NCL: variants seen among roughly 807,000 people sequenced by gnomAD.
NCL encodes the protein nucleolin multifunctional protein.
Under a neutral mutation model 77.7 loss-of-function variants are expected in NCL, and 4 were observed. The observed-to-expected ratio is 0.05, with a 90% CI of 0.03 to 0.12. The LOEUF is 0.12. Among genes scored for constraint, NCL ranks in the 10% least tolerant of loss-of-function variants. The probability of loss-of-function intolerance (pLI) is 1.00; values close to 1 mark genes in which losing one functional copy is unlikely to be tolerated. For missense variants in NCL, 763 were observed against 860.9 expected (o/e 0.89, Z 1.42); for synonymous variants, 344 against 297.8 (o/e 1.16, Z -1.60).
chr2:231,458,258 G>C lies in NCL; in HGVS notation c.1289+8C>G. On this transcript the variant is annotated splice_region_variant and intron_variant, in intron 8 of 13. Transcript: ENST00000322723. ...TAAAACCCTTACATTTCAATAGACA[G>C]AACATACCCTTTACTTTTCCCATCC... 1.2e-6 allele frequency: 2 copies of C among 1,612,412 alleles called. No individual in the cohort carries two copies. The highest frequency in any genetic ancestry group is 1.7e-6 in the Non-Finnish European group (2 of 1,179,498).
Position 231,460,678 on chromosome 2 carries a change from C to T in NCL, c.802G>A (p.Glu268Lys), listed in dbSNP as rs757072415. ...AATCTAATTTAAGTACCTTCCTCCTCCTCTTCTTCCTCCTCCTCATCATCT... is the reference window on the plus strand; with the variant it reads ...AATCTAATTTAAGTACCTTCCTCCTTCTCTTCTTCCTCCTCCTCATCATCT... ...DEDDEEEEEEEEEEPVKEAPG... is the reference protein window; with the variant it reads ...DEDDEEEEEEKEEEPVKEAPG... The change falls in exon 4 of 14, where the codon GAG becomes AAG. Residue 268 changes from glutamate (E) to lysine (K), a missense_variant. By Grantham distance (56) the Glu-to-Lys change is moderately conservative. Transcript: ENST00000322723. The T allele has an allele frequency of 6.2e-7, 1 of 1,613,298 alleles. No homozygotes were observed. Among genetic ancestry groups the T allele is most frequent in the Non-Finnish European group, 8.5e-7 (1 of 1,179,642 alleles).
intron 8 of NCL, 69 bp from the exon 9 acceptor site, chr2:231,457,869 C>G: frequency 7.2e-7 from 1 of 1,383,714 alleles, no homozygotes. Flanking sequence ...ACCTCAGCAA[C>G]ACAGAACTTG....
intron 9 of NCL, 123 bp downstream of exon 9, chr2:231,457,520 C>T: frequency 9.7e-7 from 1 of 1,027,856 alleles, no homozygotes. Flanking sequence ...GTATCATGTC[C>T]TTGATCTTCA....
chr2:231,458,545 G>A, intron 7 of NCL, 156 bp from the exon 8 acceptor site: 4 of 919,218 alleles, frequency 4.4e-6, no homozygotes, highest in Non-Finnish European at 6.4e-6. Context: ...AGATATAGCA[G>A]TGTCAACACA....
At chr2:231,462,142 T>C (rs2046958882) in intron 2 of NCL, 125 bp from the exon 3 acceptor site, 1 of 1,225,460 alleles carries the variant, frequency 8.2e-7, no homozygotes. Context: ...CTAGACACAT[T>C]AGCATGTTAA....
intron 9 of NCL, 136 bp downstream of exon 9, chr2:231,457,507 G>T: frequency 1.1e-6 from 1 of 881,020 alleles, no homozygotes; most frequent in Non-Finnish European, 1.8e-6. Flanking sequence ...AGTATGACTT[G>T]GGGTATCATG....
In NCL at chr2:231,455,282, C is replaced by T. The variant is rs1448138061; in HGVS notation, c.2057-15G>A. 6.2e-7 allele frequency: 1 copy of T among 1,614,090 alleles called. No homozygotes were observed. Among genetic ancestry groups the T allele is most frequent in the Non-Finnish European group, 8.5e-7 (1 of 1,179,990 alleles). ...GCCTCCTCGCCCTACAGGAGGAAGG[C>T]AAGACACTGTTAAAAGAATGGGTAC... On this transcript the variant is annotated splice_polypyrimidine_tract_variant and intron_variant, in intron 13 of 13. Coordinates refer to ENST00000322723, the MANE Select transcript of NCL (RefSeq NM_005381.3).
At position 231,454,965 on chromosome 2, in the gene NCL, T is replaced by A; in HGVS notation, c.*226A>T. 1 of 451,342 alleles carries A rather than the reference T, an allele frequency of 2.2e-6. No homozygotes were observed. Among genetic ancestry groups the A allele is most frequent in the Non-Finnish European group, 3.9e-6 (1 of 254,440 alleles). 28.0% of individuals were successfully genotyped at this position (451,342 alleles called of 1,614,324 possible). On this transcript the variant is annotated 3_prime_UTR_variant, in exon 14 of 14. Transcript: ENST00000322723. ...ACAATATAAATTCAAAACTTACAGA[T>A]AAGGGTTAGCTCTATCACTCAACTC...
rs1395366732 is a variant in NCL, at chr2:231,458,986, TA to T, written c.1165+14del. 12 of 1,563,348 alleles carry T rather than the reference TA, an allele frequency of 7.7e-6. No individual in the cohort carries two copies. In the African/African-American group the frequency reaches 1.5e-4, roughly 20 times the overall value. Reference sequence around the variant, plus strand: ...CTCCTGAGTTCATTGCATAATCTCATAAAGCCTTACATACCTTTCTTACTGT... The same window carrying T: ...CTCCTGAGTTCATTGCATAATCTCATAAGCCTTACATACCTTTCTTACTGT... On this transcript the variant is annotated intron_variant, in intron 7 of 13. Coordinates refer to ENST00000322723, the MANE Select transcript of NCL (RefSeq NM_005381.3).
rs906291616 is a variant in NCL at position 231,458,280 on chromosome 2, A to G, written c.1275T>C (p.Asp425=). The change falls in exon 8 of 14, where the codon GAT becomes GAC. Residue 425 remains aspartate (D), a synonymous_variant. Transcript: ENST00000322723. ...DAAEIRLVSK[D]GKSKGIAYIE... is the part of the protein sequence containing the mutation. The stretch of plus-strand genomic sequence containing the variant: ...ACAGAACATACCCTTTACTTTTCCC[A>G]TCCTTGCTGACTAATCTGATCTCCG... 1.9e-6 allele frequency: 3 copies of G among 1,613,918 alleles called. No individual in the cohort carries two copies. The highest frequency in any genetic ancestry group is 1.1e-5 in the South Asian group (1 of 91,026).
intron 1 of NCL, 68 bp downstream of exon 1, chr2:231,464,268 C>A: frequency 1.3e-6 from 2 of 1,537,506 alleles, no homozygotes; most frequent in Non-Finnish European, 1.8e-6. Flanking sequence ...GCCCTCCTCC[C>A]CGCGGCGCCG....
At chr2:231,464,172 T>C (rs1047037391) in intron 1 of NCL, 164 bp downstream of exon 1, 5 of 1,425,456 alleles carry the variant, frequency 3.5e-6, no homozygotes, top group African/African-American at 2.9e-5. Flanking sequence ...CGCCACCAAG[T>C]AGCCAGAAGC....
chr2:231,459,135 GGA>G lies in NCL; in HGVS notation c.1041-12_1041-11del, dbSNP rs1440895944. The G allele has an allele frequency of 3.9e-6, 6 of 1,545,084 alleles. No homozygotes were observed. Among genetic ancestry groups the G allele is most frequent in the Non-Finnish European group, 5.2e-6 (6 of 1,151,464 alleles). On this transcript the variant is annotated splice_polypyrimidine_tract_variant and intron_variant, in intron 6 of 13. Transcript: ENST00000322723. The stretch of plus-strand genomic sequence containing the variant: ...CACATAACCAAATTTCCTTCAAGGT[GGA>G]GAGGAGGGCAAAATTACAACAGGTG...
intron 11 of NCL, chr2:231,456,366 A>G: frequency 1.1e-6 from 1 of 892,500 alleles, no homozygotes; most frequent in African/African-American, 1.6e-5. Context: ...GGAAAGTGGG[A>G]GAAGCAACCC....
intron 13 of NCL, 66 bp from the exon 14 acceptor site, chr2:231,455,333 G>A (rs1016110009): frequency 1.2e-6 from 2 of 1,613,332 alleles, no homozygotes; most frequent in African/African-American, 2.7e-5. Context: ...CAGTGATTAG[G>A]AACCGTGACA....
At chr2:231,458,589 C>T in intron 7 of NCL, 200 bp from the exon 8 acceptor site, 1 of 664,942 alleles carries the variant, frequency 1.5e-6, no homozygotes, top group Non-Finnish European at 2.5e-6. Flanking sequence ...CAGCTGATGT[C>T]AAACTCTCTG....
intron 9 of NCL, 155 bp from the exon 10 acceptor site, chr2:231,457,279 T>TA (rs1559540610): frequency 9.5e-7 from 1 of 1,052,672 alleles, no homozygotes; most frequent in African/African-American, 1.6e-5. Flanking sequence ...CTCAACATAT[T>TA]AAGTACCTAG....
intron 2 of NCL, among the ~76,000 whole-genome samples, chr2:231,462,780 G>A (rs899568851): frequency 2.0e-5 from 3 of 152,170 alleles, no homozygotes; most frequent in African/African-American, 7.2e-5. Context: ...ATAAAACACA[G>A]TGAGTAGTAT....
rs780927712 is a variant in NCL at position 231,460,694 on chromosome 2, CTCATCATCT to C, written c.777_785del (p.Asp260_Glu262del). On this transcript the variant is annotated inframe_deletion, in exon 4 of 14. Coordinates refer to ENST00000322723, the MANE Select transcript of NCL (RefSeq NM_005381.3). ...CTTCCTCCTCCTCTTCTTCCTCCTC[CTCATCATCT>C]TCATCATCATCATCTTCATCATCTT... 5.6e-6 allele frequency: 9 copies of C among 1,609,862 alleles called. No homozygotes were observed. The highest frequency in any genetic ancestry group is 2.2e-5 in the East Asian group (1 of 44,664).
Sources: gnomAD v4.1 joint callset for allele counts (sites outside exome capture counted in the v4.1 genomes callset) on GRCh38, gnomAD v4.1.1 for gene constraint, MANE v1.5 for transcripts, NCBI Gene and HGNC (gene_info 2026-07-23, HGNC 2026-07-21) for gene names.